Variants in CCDC15 observed in about 807,000 individuals in gnomAD.
CCDC15 encodes the protein coiled-coil domain containing 15.
In CCDC15, 105 loss-of-function variants were observed where a neutral mutation model predicts 114.5. The observed-to-expected ratio is 0.92, with a 90% CI of 0.78 to 1.08. The LOEUF is 1.08. Among genes scored for constraint, CCDC15 ranks in the 50% least tolerant of loss-of-function variants. The pLI, the probability that CCDC15 is intolerant of heterozygous loss-of-function variation, is 0.00. For missense variants in CCDC15, 1,105 were observed against 1,093.6 expected (o/e 1.01, Z -0.15); for synonymous variants, 334 against 377.8 (o/e 0.88, Z 1.34).
intron 13 of CCDC15, among the ~76,000 whole-genome samples, chr11:125,030,478 T>C (rs1948730697): frequency 6.6e-6 from 1 of 152,176 alleles, no homozygotes; most frequent in East Asian, 1.9e-4. Context: ...TAAGGCATTC[T>C]GTGAGTACAG....
intron 2 of CCDC15, among the ~76,000 whole-genome samples, chr11:124,957,206 G>A (rs886553330): frequency 6.6e-6 from 1 of 152,142 alleles, no homozygotes; most frequent in African/African-American, 2.4e-5. Flanking sequence ...ACCTCAGCTG[G>A]GGCTCAAATA....
intron 13 of CCDC15, among the ~76,000 whole-genome samples, chr11:125,021,833 A>G (rs1467473605): frequency 6.6e-6 from 1 of 151,944 alleles, no homozygotes; most frequent in Non-Finnish European, 1.5e-5. Context: ...AATAATTCGT[A>G]TAGAGAATTA....
intron 11 of CCDC15, among the ~76,000 whole-genome samples, chr11:125,003,440 TATA>T (rs1948509918): frequency 6.6e-6 from 1 of 151,980 alleles, no homozygotes; most frequent in South Asian, 2.1e-4. Flanking sequence ...AGTTGATTGA[TATA>T]ATATTTTCTC....
chr11:125,020,413 CAA>C (rs1948653919), intron 13 of CCDC15, among the ~76,000 whole-genome samples: 3 of 151,914 alleles, frequency 2.0e-5, no homozygotes, highest in Non-Finnish European at 2.9e-5. Flanking sequence ...AGATGACTAA[CAA>C]GAGTTTTTAA....
intron 11 of CCDC15, among the ~76,000 whole-genome samples, chr11:124,996,027 G>A (rs185850404): frequency 3.3e-5 from 5 of 151,642 alleles, no homozygotes; most frequent in Non-Finnish European, 5.9e-5. Context: ...ATGGGGTTTC[G>A]TCATGTTTGC....
At chr11:125,013,763 AGGTCTG>A in intron 13 of CCDC15, among the ~76,000 whole-genome samples, 1 of 152,294 alleles carries the variant, frequency 6.6e-6, no homozygotes. Flanking sequence ...ATATTAAGGG[AGGTCTG>A]ATTTATATGC....
Position 124,988,145 on chromosome 11 carries a change from G to A in CCDC15, c.1908+11G>A, listed in dbSNP as rs749800937. On this transcript the variant is annotated intron_variant, in intron 8 of 15. Coordinates refer to ENST00000344762, the MANE Select transcript of CCDC15 (RefSeq NM_025004.3). ...CTACCAAAATATCAGGTAAAATAGA[G>A]CAGAAAGGAGATACAAAAAGAAGAA... The A allele has an allele frequency of 1.3e-5, 21 of 1,593,994 alleles. No homozygotes were observed. The South Asian group carries it at 2.3e-4, about 17-fold the overall frequency.
chr11:124,996,624 C>A (rs1292967037), intron 11 of CCDC15, among the ~76,000 whole-genome samples: 4 of 152,082 alleles, frequency 2.6e-5, no homozygotes, highest in African/African-American at 9.7e-5. Flanking sequence ...CATTGTTGTG[C>A]AACCATCACC....
rs377600138 is a variant in CCDC15 at position 124,987,355 on chromosome 11, A to G, written c.1129A>G (p.Ile377Val). Reference protein sequence around the residue: ...VQVTEPEGQAIEPEGQPIKTE... With the variant: ...VQVTEPEGQAVEPEGQPIKTE... Reference sequence around the variant, plus strand: ...GGTTACTGAGCCAGAAGGCCAGGCCATTGAGCCAGAAGGCCAGCCTATTAA... The same window carrying G: ...GGTTACTGAGCCAGAAGGCCAGGCCGTTGAGCCAGAAGGCCAGCCTATTAA... The change falls in exon 8 of 16, where the codon ATT (isoleucine) becomes GTT (valine). Residue 377 changes from isoleucine to valine, a missense_variant. By Grantham distance (29) the Ile-to-Val change is conservative. Coordinates refer to ENST00000344762, the MANE Select transcript of CCDC15 (RefSeq NM_025004.3). 35 of 1,613,652 alleles carry G rather than the reference A, an allele frequency of 2.2e-5. No homozygotes were observed. Among genetic ancestry groups the G allele is most frequent in the Admixed American group, 8.3e-5 (5 of 60,030 alleles).
intron 11 of CCDC15, among the ~76,000 whole-genome samples, chr11:125,003,515 A>T (rs1421693766): frequency 6.6e-6 from 1 of 152,014 alleles, no homozygotes; most frequent in Admixed American, 6.6e-5. Flanking sequence ...GAATTGAAAT[A>T]TTAAGGAATC....
At chr11:125,000,072 A>G (rs1213654838) in intron 11 of CCDC15, among the ~76,000 whole-genome samples, 1 of 151,910 alleles carries the variant, frequency 6.6e-6, no homozygotes, top group African/African-American at 2.4e-5. Context: ...CATGTTGGCC[A>G]GGCCGGTCTT....
intron 13 of CCDC15, among the ~76,000 whole-genome samples, chr11:125,032,860 C>G (rs1948749654): frequency 6.6e-6 from 1 of 152,200 alleles, no homozygotes; most frequent in Non-Finnish European, 1.5e-5. Context: ...TCATAAGCCC[C>G]TTCTTTAACT....
chr11:124,989,492 C>T (rs1948233805), intron 8 of CCDC15, among the ~76,000 whole-genome samples: 1 of 152,220 alleles, frequency 6.6e-6, no homozygotes, highest in Non-Finnish European at 1.5e-5. Flanking sequence ...TAGCCACTAA[C>T]AAGAGAGTCA....
At chr11:125,038,355 A>G (rs1202406949) in intron 13 of CCDC15, 76 bp from the exon 14 acceptor site, 6 of 948,558 alleles carry the variant, frequency 6.3e-6, no homozygotes, top group Non-Finnish European at 7.3e-6. Context: ...AATTTCTGGG[A>G]GTTATTTGGA....
intron 13 of CCDC15, among the ~76,000 whole-genome samples, chr11:125,030,648 G>T (rs1343805553): frequency 1.3e-5 from 2 of 152,174 alleles, no homozygotes; most frequent in Non-Finnish European, 2.9e-5. Flanking sequence ...CTGAGGAATG[G>T]TGCCATATTG....
At chr11:125,032,838 A>C (rs1286212142) in intron 13 of CCDC15, among the ~76,000 whole-genome samples, 1 of 152,158 alleles carries the variant, frequency 6.6e-6, no homozygotes, top group Admixed American at 6.5e-5. Context: ...AACTCCATTA[A>C]TTACCTCACC....
intron 13 of CCDC15, among the ~76,000 whole-genome samples, chr11:125,035,423 A>G (rs1051550017): frequency 4.0e-5 from 6 of 151,660 alleles, no homozygotes; most frequent in Non-Finnish European, 5.9e-5. Context: ...TTCTATTTGC[A>G]TGGAATATTT....
chr11:124,989,762 A>G (rs1168924744), intron 8 of CCDC15, among the ~76,000 whole-genome samples: 1 of 152,162 alleles, frequency 6.6e-6, no homozygotes, highest in Non-Finnish European at 1.5e-5. Context: ...ACCTCTGCTA[A>G]CTTCCAACTT....
At position 124,993,209 on chromosome 11, in the gene CCDC15, A is replaced by G; in HGVS notation, c.2180A>G (p.Glu727Gly). 6.2e-7 allele frequency: 1 copy of G among 1,607,220 alleles called. No individual in the cohort carries two copies. Among genetic ancestry groups the G allele is most frequent in the Non-Finnish European group, 8.5e-7 (1 of 1,175,542 alleles). Residue 727 changes from glutamate (E) to glycine (G), a missense_variant, in exon 11 of 16, where the codon GAG becomes GGG. Coordinates refer to ENST00000344762, the MANE Select transcript of CCDC15 (RefSeq NM_025004.3). ...CTACCCTCATCTTTTGAGAAATGGG[A>G]GATTGCAAGAGGAAATACTCCTGGA... Reference protein sequence around the residue: ...IKLPSSFEKWEIARGNTPGVP... With the variant: ...IKLPSSFEKWGIARGNTPGVP...
Sources: allele counts gnomAD v4.1 joint callset (sites outside exome capture counted in the v4.1 genomes callset), GRCh38; gene constraint gnomAD v4.1.1; transcripts MANE v1.5; gene names NCBI Gene and HGNC (gene_info 2026-07-23, HGNC 2026-07-21).